Variants in AUTS2 observed in about 807,000 individuals in gnomAD.
The protein encoded by AUTS2 is autism susceptibility gene 2 protein.
A neutral mutation model predicts 112.4 loss-of-function variants in AUTS2; 17 were observed. The ratio of observed to expected loss-of-function variants is 0.15; its 90% CI spans 0.10 to 0.23. AUTS2 has a LOEUF of 0.23. Among genes scored for constraint, AUTS2 ranks in the 10% least tolerant of loss-of-function variants. AUTS2 has a pLI of 1.00. For synonymous variants in AUTS2, 751 were observed against 702.7 expected, an observed-to-expected ratio of 1.07 and a Z score of -1.09; for missense variants, 1,510 against 1,701.6, an observed-to-expected ratio of 0.89 and a Z score of 1.98.
chr7:70,342,998 T>A (rs538145337), intron 4 of AUTS2, among the ~76,000 whole-genome samples: 10 of 152,290 alleles, frequency 6.6e-5, no homozygotes, highest in Non-Finnish European at 1.2e-4. Context: ...ATCAGTAAAT[T>A]TAAGCTCATT....
chr7:69,742,158 A>T (rs1787298329), intron 1 of AUTS2, among the ~76,000 whole-genome samples: 1 of 128,908 alleles, frequency 7.8e-6, no homozygotes, highest in Non-Finnish European at 1.6e-5. Flanking sequence ...GGTCTTTTAG[A>T]TTTACCTATG....
intron 4 of AUTS2, among the ~76,000 whole-genome samples, chr7:70,212,330 A>G (rs1810949685): frequency 6.6e-6 from 1 of 152,196 alleles, no homozygotes; most frequent in South Asian, 2.1e-4. Context: ...CTGGCTGTCT[A>G]AACTCACGGC....
intron 4 of AUTS2, among the ~76,000 whole-genome samples, chr7:70,135,673 C>T (rs985551219): frequency 6.6e-6 from 1 of 152,038 alleles, no homozygotes; most frequent in Non-Finnish European, 1.5e-5. Context: ...TGGTCTTAAT[C>T]TGTAATAGGA....
chr7:70,715,577 A>G (rs1235941596), intron 6 of AUTS2, among the ~76,000 whole-genome samples: 2 of 150,548 alleles, frequency 1.3e-5, no homozygotes, highest in Admixed American at 6.6e-5. Flanking sequence ...TCTGTCACCC[A>G]GCCTGTAGCA....
At chr7:70,284,385 G>A (rs919122676) in intron 4 of AUTS2, among the ~76,000 whole-genome samples, 1 of 152,042 alleles carries the variant, frequency 6.6e-6, no homozygotes, top group Non-Finnish European at 1.5e-5. Context: ...TCAATTCCTA[G>A]CAATTTCTGG....
At position 69,786,103 on chromosome 7, in the gene AUTS2, A is replaced by G. The variant is rs749381205; in HGVS notation, c.310-113183A>G. On this transcript the variant is annotated intron_variant, in intron 1 of 18. Transcript: ENST00000342771. ...GAAGCCAGCTGGACTTCCTGGGTTG[A>G]GTGGGGACTTGCAAAACTTTTCTGT... 4.6e-5 allele frequency among the ~76,000 whole-genome samples: 7 copies of G among 152,288 alleles called. No homozygotes were observed. The East Asian group carries it at 1.4e-3, about 29-fold the overall frequency.
intron 5 of AUTS2, among the ~76,000 whole-genome samples, chr7:70,566,814 G>T (rs1801727398): frequency 6.6e-6 from 1 of 152,158 alleles, no homozygotes; most frequent in South Asian, 2.1e-4. Flanking sequence ...TATATCCACT[G>T]GCATTAAGGC....
At chr7:70,719,503 G>A (rs1027505083) in intron 6 of AUTS2, among the ~76,000 whole-genome samples, 6 of 128,450 alleles carry the variant, frequency 4.7e-5, no homozygotes, top group Admixed American at 2.0e-4. Context: ...TCACTCTGTC[G>A]CTCAGGCTGG....
intron 4 of AUTS2, among the ~76,000 whole-genome samples, chr7:70,233,763 A>G (rs964706661): frequency 6.6e-6 from 1 of 152,246 alleles, no homozygotes; most frequent in East Asian, 1.9e-4. Flanking sequence ...AGAGAAGACC[A>G]TAAGAATCAC....
intron 5 of AUTS2, among the ~76,000 whole-genome samples, chr7:70,554,690 A>G (rs376335159): frequency 1.3e-5 from 2 of 152,172 alleles, no homozygotes; most frequent in Admixed American, 1.3e-4. Flanking sequence ...AGGGGAAGAT[A>G]CTTAGCAGCA....
intron 2 of AUTS2, among the ~76,000 whole-genome samples, chr7:70,024,931 A>G (rs1172904670): frequency 6.6e-6 from 1 of 152,202 alleles, no homozygotes; most frequent in Admixed American, 6.5e-5. Flanking sequence ...AAACATCTAA[A>G]TTCATGTTTG....
chr7:70,413,379 G>A (rs1794856084), intron 4 of AUTS2, among the ~76,000 whole-genome samples: 1 of 152,148 alleles, frequency 6.6e-6, no homozygotes, highest in South Asian at 2.1e-4. Flanking sequence ...AGCCAAAGGT[G>A]GTCTGAGCAA....
intron 4 of AUTS2, among the ~76,000 whole-genome samples, chr7:70,357,055 G>A (rs146114564): frequency 2.2e-4 from 34 of 152,332 alleles, no homozygotes; most frequent in Admixed American, 7.8e-4. Flanking sequence ...AACAGAATTA[G>A]TTCACTGGGT....
intron 1 of AUTS2, among the ~76,000 whole-genome samples, chr7:69,897,044 C>T (rs956825004): frequency 3.9e-5 from 6 of 152,104 alleles, no homozygotes; most frequent in African/African-American, 1.4e-4. Flanking sequence ...GTGACTTTTC[C>T]CCACACCATT....
At chr7:69,805,806 G>T (rs1445886596) in intron 1 of AUTS2, among the ~76,000 whole-genome samples, 1 of 152,194 alleles carries the variant, frequency 6.6e-6, no homozygotes, top group African/African-American at 2.4e-5. Context: ...AATATTGGAT[G>T]ATAGTATTTA....
intron 1 of AUTS2, among the ~76,000 whole-genome samples, chr7:69,734,202 A>G (rs1786927799): frequency 6.6e-6 from 1 of 152,180 alleles, no homozygotes; most frequent in Non-Finnish European, 1.5e-5. Flanking sequence ...CCTTTTTAAA[A>G]GCTGTCTCCT....
chr7:69,620,258 A>G (rs1209200160), intron 1 of AUTS2, among the ~76,000 whole-genome samples: 1 of 152,206 alleles, frequency 6.6e-6, no homozygotes, highest in Non-Finnish European at 1.5e-5. Flanking sequence ...GTTTATTTCT[A>G]GGGCTCTCTA....
chr7:70,635,287 T>C (rs1043166969), intron 5 of AUTS2, among the ~76,000 whole-genome samples: 1 of 152,220 alleles, frequency 6.6e-6, no homozygotes, highest in Non-Finnish European at 1.5e-5. Flanking sequence ...CTGTGTGTCC[T>C]CTCAACTTTG....
intron 2 of AUTS2, among the ~76,000 whole-genome samples, chr7:70,018,675 T>C (rs1056297139): frequency 1.3e-5 from 2 of 152,226 alleles, no homozygotes; most frequent in Non-Finnish European, 1.5e-5. Flanking sequence ...TATAAGCTAA[T>C]GTAAAAGGAG....
Sources: allele counts gnomAD v4.1 joint callset (sites outside exome capture counted in the v4.1 genomes callset), GRCh38; gene constraint gnomAD v4.1.1; transcripts MANE v1.5; gene names NCBI Gene and HGNC (gene_info 2026-07-23, HGNC 2026-07-21).